Variants in PUM1 observed in about 807,000 individuals in gnomAD.
PUM1 encodes the protein pumilio RNA binding family member 1.
PUM1 carries 13 observed loss-of-function variants against 131.8 expected under a neutral mutation model. The observed-to-expected ratio is 0.10, with a 90% CI of 0.06 to 0.16. The LOEUF is 0.16. Ranked by LOEUF, PUM1 falls within the 10% of genes least tolerant of loss-of-function variation. The probability of loss-of-function intolerance (pLI) is 1.00; values close to 1 mark genes in which losing one functional copy is unlikely to be tolerated. For missense variants in PUM1, 961 were observed against 1,512.4 expected (o/e 0.64, Z 6.05); for synonymous variants, 509 against 556.5 (o/e 0.91, Z 1.20).
chr1:30,956,780 A>C (rs1266910164), intron 14 of PUM1, among the ~76,000 whole-genome samples: 2 of 152,148 alleles, frequency 1.3e-5, no homozygotes, highest in African/African-American at 4.8e-5. Flanking sequence ...ACCAAAATGG[A>C]AGGTAAATTA....
intron 14 of PUM1, among the ~76,000 whole-genome samples, chr1:30,963,496 A>C (rs1158883885): frequency 6.6e-6 from 1 of 152,162 alleles, no homozygotes; most frequent in Non-Finnish European, 1.5e-5. Context: ...TGTATATATA[A>C]ACATAGTTTT....
intron 2 of PUM1, among the ~76,000 whole-genome samples, chr1:31,056,609 C>CTTTTTTTTTTTTTTTTTTTTTTT (rs57685772): frequency 2.3e-5 from 1 of 43,688 alleles, no homozygotes; most frequent in Non-Finnish European, 4.0e-5. Flanking sequence ...CTTTTCTTTT[C>CTTTTTTTTTTTTTTTTTTTTTTT]TTTTTTTTTT....
chr1:31,039,225 T>A (rs1338196919), intron 2 of PUM1, among the ~76,000 whole-genome samples: 1 of 148,968 alleles, frequency 6.7e-6, no homozygotes, highest in African/African-American at 2.5e-5. Flanking sequence ...AAAAAAAATT[T>A]TTTTTTTTTT....
chr1:31,042,087 C>T (rs1643836799), intron 2 of PUM1, among the ~76,000 whole-genome samples: 1 of 152,028 alleles, frequency 6.6e-6, no homozygotes, highest in Admixed American at 6.6e-5. Flanking sequence ...GGTGGATCAT[C>T]TAAGGTCAGG....
intron 3 of PUM1, among the ~76,000 whole-genome samples, chr1:31,023,350 T>C (rs937202329): frequency 5.3e-5 from 8 of 152,220 alleles, no homozygotes; most frequent in African/African-American, 1.9e-4. Context: ...TGGAGTCAAC[T>C]GTGCTGCTTT....
At chr1:30,950,381 T>A (rs1639877513) in intron 16 of PUM1, 120 bp from the exon 17 acceptor site, 1 of 1,001,550 alleles carries the variant, frequency 1.0e-6, no homozygotes, top group East Asian at 2.6e-5. Flanking sequence ...CTGATACCCA[T>A]GATTAACTAA....
intron 3 of PUM1, among the ~76,000 whole-genome samples, chr1:31,025,423 G>A (rs1052698130): frequency 2.6e-5 from 4 of 151,956 alleles, no homozygotes; most frequent in Admixed American, 2.0e-4. Flanking sequence ...ATGCACACGC[G>A]CATAGGTGCC....
At chr1:31,038,984 A>ATATTTTTTTTTTTTT in intron 2 of PUM1, among the ~76,000 whole-genome samples, 15 of 49,414 alleles carry the variant, frequency 3.0e-4, no homozygotes, top group African/African-American at 1.9e-3. Context: ...ATATATATAT[A>ATATTTTTTTTTTTTT]TTTTTTTTTT....
intron 3 of PUM1, among the ~76,000 whole-genome samples, chr1:31,019,448 C>T (rs1642942817): frequency 6.6e-6 from 1 of 152,226 alleles, no homozygotes; most frequent in African/African-American, 2.4e-5. Context: ...TCAAAACGCA[C>T]AGGGGTTTCC....
Position 30,936,746 on chromosome 1 carries a change from T to C in PUM1, c.3332A>G (p.His1111Arg). Residue 1111 changes from histidine to arginine, a missense_variant, in exon 21 of 22, where the codon CAC becomes CGC. By Grantham distance (29) the His-to-Arg change is conservative. Transcript: ENST00000426105. ...CTTCATCATGGTGTATAAGGCACTGTGGGGACCGTCGTTCATGGTGCACAC... is the reference window on the plus strand; with the variant it reads ...CTTCATCATGGTGTATAAGGCACTGCGGGGACCGTCGTTCATGGTGCACAC... ...DEVCTMNDGPHSALYTMMKDQ... is the reference protein window; with the variant it reads ...DEVCTMNDGPRSALYTMMKDQ... 2 of 1,614,114 alleles carry C rather than the reference T, an allele frequency of 1.2e-6. No individual in the cohort carries two copies. Among genetic ancestry groups the C allele is most frequent in the Non-Finnish European group, 1.7e-6 (2 of 1,179,952 alleles).
intron 14 of PUM1, among the ~76,000 whole-genome samples, chr1:30,962,373 C>G (rs1235322502): frequency 6.6e-6 from 1 of 152,084 alleles, no homozygotes; most frequent in Non-Finnish European, 1.5e-5. Context: ...ATTTCTGGCT[C>G]CATTTCCACG....
At chr1:30,973,327 T>C (rs1374353672) in intron 10 of PUM1, among the ~76,000 whole-genome samples, 1 of 151,776 alleles carries the variant, frequency 6.6e-6, no homozygotes, top group Admixed American at 6.6e-5. Context: ...GTTTGGATCA[T>C]TTAATATATT....
chr1:31,057,724 C>CAAAAAAAAAAAAAAAAAAAAAAAAA, intron 2 of PUM1, among the ~76,000 whole-genome samples: 1 of 72,484 alleles, frequency 1.4e-5, no homozygotes, highest in Non-Finnish European at 2.4e-5. Context: ...GACTCCATCT[C>CAAAAAAAAAAAAAAAAAAAAAAAAA]AAAAAAAAAA....
chr1:30,992,305 C>T (rs1641823110), intron 7 of PUM1, 85 bp downstream of exon 7: 2 of 1,528,202 alleles, frequency 1.3e-6, no homozygotes, highest in South Asian at 1.3e-5. Context: ...ATGCCACCAC[C>T]TCCCCCATCC....
intron 5 of PUM1, among the ~76,000 whole-genome samples, chr1:31,004,895 C>T (rs1302868863): frequency 1.3e-5 from 2 of 152,150 alleles, no homozygotes. Context: ...TTCTTTCCCA[C>T]AAATTACATT....
intron 20 of PUM1, among the ~76,000 whole-genome samples, chr1:30,938,068 G>A (rs60770428): frequency 0.28 from 41,932 of 151,834 alleles, 7,397 homozygotes; most frequent in East Asian, 0.53. Flanking sequence ...CACCGCACCC[G>A]GCCCTATTTT....
chr1:30,979,679 G>A (rs1334362552), intron 9 of PUM1, among the ~76,000 whole-genome samples: 3 of 152,182 alleles, frequency 2.0e-5, no homozygotes, highest in Non-Finnish European at 4.4e-5. Flanking sequence ...ACAATTTAGA[G>A]GGGAAGAGGA....
intron 6 of PUM1, among the ~76,000 whole-genome samples, chr1:30,994,512 A>G (rs1182275169): frequency 1.3e-5 from 2 of 152,242 alleles, no homozygotes; most frequent in Non-Finnish European, 2.9e-5. Flanking sequence ...GCATCTGCAG[A>G]AGAGATATGA....
At chr1:31,055,098 CCT>C (rs1449079501) in intron 2 of PUM1, among the ~76,000 whole-genome samples, 1 of 152,190 alleles carries the variant, frequency 6.6e-6, no homozygotes, top group Non-Finnish European at 1.5e-5. Flanking sequence ...TGGTTCTCAA[CCT>C]CTTTTTCACT....
Sources: allele counts gnomAD v4.1 joint callset (sites outside exome capture counted in the v4.1 genomes callset), GRCh38; gene constraint gnomAD v4.1.1; transcripts MANE v1.5; gene names NCBI Gene and HGNC (gene_info 2026-07-23, HGNC 2026-07-21).